PIANP: variants seen among roughly 807,000 people sequenced by gnomAD.
PIANP encodes PILR alpha associated neural protein.
A neutral mutation model predicts 28.9 loss-of-function variants in PIANP; 14 were observed. That is an observed-to-expected ratio of 0.49 (90% confidence interval 0.32 to 0.76). The LOEUF (loss-of-function observed/expected upper bound fraction) is 0.76, where lower values mean the gene tolerates loss of function less well. Among genes scored for constraint, PIANP ranks in the 30% least tolerant of loss-of-function variants. The pLI is 0.03. For synonymous variants in PIANP, 149 were observed against 156.6 expected, an observed-to-expected ratio of 0.95 and a Z score of 0.36; for missense variants, 322 against 371.8, an observed-to-expected ratio of 0.87 and a Z score of 1.10.
At chr12:6,698,285 T>C in intron 1 of PIANP, 181 bp from the exon 2 acceptor site, 1 of 627,516 alleles carries the variant, frequency 1.6e-6, no homozygotes, top group South Asian at 1.8e-5. Flanking sequence ...CGTGGTTGCC[T>C]GACCAGACTC....
intron 1 of PIANP, 148 bp from the exon 2 acceptor site, chr12:6,698,252 T>A (rs1959939509): frequency 1.5e-6 from 1 of 684,790 alleles, no homozygotes; most frequent in Non-Finnish European, 2.5e-6. Flanking sequence ...GTTGTTAGCA[T>A]CCTTTTGGGG....
chr12:6,697,348 C>G lies in PIANP; in HGVS notation c.462G>C (p.Gly154=). The change falls in exon 3 of 5, where the codon GGG becomes GGC. Residue 154 remains glycine (G), a synonymous_variant. Coordinates refer to ENST00000534837, the MANE Select transcript of PIANP (RefSeq NM_001244014.2). The surrounding 1 kb of genome is among the most constrained non-coding windows in gnomAD (Gnocchi z 6.9). ...NSDSMRGDGD[G]LILGEAPATL... ...TGGCAGGTGCCTCTCCAAGGATAAG[C>G]CCATCTCCATCACCTCGCATGGAGT... 6.2e-7 allele frequency: 1 copy of G among 1,614,044 alleles called. No homozygotes were observed. Among genetic ancestry groups the G allele is most frequent in the East Asian group, 2.2e-5 (1 of 44,886 alleles).
Position 6,697,427 on chromosome 12 carries a change from A to G in PIANP, c.383T>C (p.Leu128Pro). ...ATGAGGGGCTGCAAAACCATAGTCC[A>G]GAAATCCGGGATTGGCAGAGTTGGG... ...GDPNSANPGF[L>P]DYGFAAPHGL... Residue 128 changes from leucine (L) to proline (P), a missense_variant, in exon 3 of 5, where the codon CTG becomes CCG. Transcript: ENST00000534837. The surrounding 1 kb of genome is among the most constrained non-coding windows in gnomAD (Gnocchi z 6.9). 2 of 1,614,036 alleles carry G rather than the reference A, an allele frequency of 1.2e-6. No homozygotes were observed. Among genetic ancestry groups the G allele is most frequent in the Non-Finnish European group, 1.7e-6 (2 of 1,179,884 alleles).
rs1959928002 is a variant in PIANP at position 6,697,855 on chromosome 12, A to C, written c.18-63T>G. The C allele has an allele frequency of 2.0e-6, 3 of 1,496,392 alleles. No homozygotes were observed. The African/African-American group carries it at 4.2e-5, about 21-fold the overall frequency. The allele number at this position is 1,496,392 out of a possible 1,614,324, so 92.7% of individuals were successfully genotyped here. The stretch of plus-strand genomic sequence containing the variant: ...TACTGTGGGCCTATGTGAGGGAGGG[A>C]CAGGTTCACACCAGAAACCTCCAGG... On this transcript the variant is annotated intron_variant, in intron 2 of 4. Transcript: ENST00000534837. The surrounding 1 kb of genome is among the most constrained non-coding windows in gnomAD (Gnocchi z 6.9).
Position 6,697,059 on chromosome 12 carries a change from G to A in PIANP, c.523+228C>T, listed in dbSNP as rs1323699463. Among the ~76,000 whole-genome samples the A allele has an allele frequency of 1.3e-5, 2 of 152,196 alleles. No individual in the cohort carries two copies. Among genetic ancestry groups the A allele is most frequent in the African/African-American group, 4.8e-5 (2 of 41,448 alleles). ...TTTTTTTGTAAATCATGCTGCACAT[G>A]CCTCTATTAAAGCATTTATTACGAT... On this transcript the variant is annotated intron_variant, in intron 3 of 4. Coordinates refer to ENST00000534837, the MANE Select transcript of PIANP (RefSeq NM_001244014.2). This position sits in a 1 kb window ranked among gnomAD's most constrained non-coding sequence, Gnocchi z 6.9.
rs2137708435 is a variant in PIANP, at chr12:6,697,135, C to A, written c.523+152G>T. ...CTGTCTGCTCCAGTGGACCTGAACT[C>A]CGAGAGGGTGTCTTTATCTCTGCAT... is the stretch of plus-strand genomic sequence containing the variant. On this transcript the variant is annotated intron_variant, in intron 3 of 4. Transcript: ENST00000534837. The surrounding 1 kb of genome is among the most constrained non-coding windows in gnomAD (Gnocchi z 6.9). Among the ~76,000 whole-genome samples, 1 of 152,332 alleles carries A rather than the reference C, an allele frequency of 6.6e-6. No individual in the cohort carries two copies. The highest frequency in any genetic ancestry group is 2.4e-5 in the African/African-American group (1 of 41,572).
In PIANP at chr12:6,695,830, C is replaced by A. The variant is rs917312494; in HGVS notation, c.606-179G>T. 3.3e-5 allele frequency among the ~76,000 whole-genome samples: 5 copies of A among 152,256 alleles called. No homozygotes were observed. The East Asian group carries it at 9.7e-4, about 29-fold the overall frequency. On this transcript the variant is annotated intron_variant, in intron 4 of 4. Transcript: ENST00000534837. This position sits in a 1 kb window ranked among gnomAD's most constrained non-coding sequence, Gnocchi z 4.2. Reference sequence around the variant, plus strand: ...GGACTCTGTGCCCATAAAGCCACTTCCCCTGCCCTCTAGGGGAGCTTGGTA... The same window carrying A: ...GGACTCTGTGCCCATAAAGCCACTTACCCTGCCCTCTAGGGGAGCTTGGTA...
In PIANP at chr12:6,695,494, G is replaced by A; in HGVS notation, c.763C>T (p.Pro255Ser). 1 of 1,538,638 alleles carries A rather than the reference G, an allele frequency of 6.5e-7. No homozygotes were observed. The highest frequency in any genetic ancestry group is 8.8e-7 in the Non-Finnish European group (1 of 1,142,428). The change falls in exon 5 of 5, where the codon CCC (proline) becomes TCC (serine). Residue 255 changes from proline to serine, a missense_variant. Coordinates refer to ENST00000534837, the MANE Select transcript of PIANP (RefSeq NM_001244014.2). The surrounding 1 kb of genome is among the most constrained non-coding windows in gnomAD (Gnocchi z 4.2). ...SPTPTPDHEE[P>S]RGGPRPGMPH... ...ATCCCAGGCCGGGGTCCCCCTCGGG[G>A]CTCCTCATGGTCAGGGGTGGGGGTA...
In PIANP at chr12:6,694,984, G is replaced by A. The variant is rs1298527994; in HGVS notation, c.*442C>T. On this transcript the variant is annotated 3_prime_UTR_variant, in exon 5 of 5. Transcript: ENST00000534837. This position sits in a 1 kb window ranked among gnomAD's most constrained non-coding sequence, Gnocchi z 6.1. ...CTGCCCCACCCTCAGTGGGATGGGG[G>A]CTGTGCCGGCCCCTTGGCCTCCTGC... 4 of 1,528,728 alleles carry A rather than the reference G, an allele frequency of 2.6e-6. No individual in the cohort carries two copies. Among genetic ancestry groups the A allele is most frequent in the Middle Eastern group, 2.0e-4 (1 of 5,090 alleles). The allele number at this position is 1,528,728 out of a possible 1,614,324, so 94.7% of individuals were successfully genotyped here.
At chr12:6,698,633 G>C (rs1213337447) in intron 1 of PIANP, among the ~76,000 whole-genome samples, 1 of 151,816 alleles carries the variant, frequency 6.6e-6, no homozygotes, top group Non-Finnish European at 1.5e-5. Flanking sequence ...CAGGAGAAAG[G>C]AATGAAGAGC....
chr12:6,693,112 C>T (rs1028067842), downstream of PIANP, among the ~76,000 whole-genome samples: 1 of 152,050 alleles, frequency 6.6e-6, no homozygotes, highest in Non-Finnish European at 1.5e-5. Context: ...TTTCACAGGG[C>T]TGTTACAAGA....
chr12:6,697,929 A>G lies in PIANP; in HGVS notation c.17+116T>C. The G allele has an allele frequency of 6.6e-7, 1 of 1,518,564 alleles. No homozygotes were observed. Among genetic ancestry groups the G allele is most frequent in the Non-Finnish European group, 8.9e-7 (1 of 1,122,480 alleles). The allele number at this position is 1,518,564 out of a possible 1,614,324, so 94.1% of individuals were successfully genotyped here. ...CTTGGGAAGACTCGCCTCATTTCCC[A>G]TCTTCCAAAGGAGGATGGCCCTCAG... is the stretch of plus-strand genomic sequence containing the variant. On this transcript the variant is annotated intron_variant, in intron 2 of 4. Coordinates refer to ENST00000534837, the MANE Select transcript of PIANP (RefSeq NM_001244014.2). The surrounding 1 kb of genome is among the most constrained non-coding windows in gnomAD (Gnocchi z 6.9).
rs540288007 is a variant in PIANP at position 6,697,811 on chromosome 12, C to A, written c.18-19G>T. 6.6e-7 allele frequency: 1 copy of A among 1,515,626 alleles called. No homozygotes were observed. 93.9% of individuals were successfully genotyped at this position (1,515,626 alleles called of 1,614,324 possible). A position where few individuals can be genotyped will look rare whatever the true frequency, so the allele number is the denominator to read the frequency against. ...CGCAGGCCTGCAAGAAGGGAGAGAG[C>A]GTGGCTGAGACACAGGCCTACTGTG... is the stretch of plus-strand genomic sequence containing the variant. On this transcript the variant is annotated intron_variant, in intron 2 of 4. Coordinates refer to ENST00000534837, the MANE Select transcript of PIANP (RefSeq NM_001244014.2). The surrounding 1 kb of genome is among the most constrained non-coding windows in gnomAD (Gnocchi z 6.9).
rs1180640452 is a variant in PIANP at position 6,696,078 on chromosome 12, A to G, written c.605+365T>C. ...GAAGGACTGAGTGATCCATTATTAAATGTGTGCAAAGAAAGCTCCAGGTTT... is the reference window on the plus strand; with the variant it reads ...GAAGGACTGAGTGATCCATTATTAAGTGTGTGCAAAGAAAGCTCCAGGTTT... On this transcript the variant is annotated intron_variant, in intron 4 of 4. Coordinates refer to ENST00000534837, the MANE Select transcript of PIANP (RefSeq NM_001244014.2). This position sits in a 1 kb window ranked among gnomAD's most constrained non-coding sequence, Gnocchi z 4.0. 1.3e-5 allele frequency among the ~76,000 whole-genome samples: 2 copies of G among 152,134 alleles called. No homozygotes were observed. The highest frequency in any genetic ancestry group is 2.4e-5 in the African/African-American group (1 of 41,428).
At chr12:6,698,925 C>T (rs958665875) in intron 1 of PIANP, among the ~76,000 whole-genome samples, 4 of 152,166 alleles carry the variant, frequency 2.6e-5, no homozygotes, top group African/African-American at 4.8e-5. Flanking sequence ...ATAGGATACC[C>T]GTTTCCTGTG....
rs2137710684 is a variant in PIANP, at chr12:6,697,805, A to G, written c.18-13T>C. 6.6e-7 allele frequency: 1 copy of G among 1,522,272 alleles called. No homozygotes were observed. The highest frequency in any genetic ancestry group is 8.8e-7 in the Non-Finnish European group (1 of 1,137,422). 94.3% of individuals were successfully genotyped at this position (1,522,272 alleles called of 1,614,324 possible). On this transcript the variant is annotated splice_polypyrimidine_tract_variant and intron_variant, in intron 2 of 4. Transcript: ENST00000534837. This position sits in a 1 kb window ranked among gnomAD's most constrained non-coding sequence, Gnocchi z 6.9. Reference sequence around the variant, plus strand: ...CAGCAGCGCAGGCCTGCAAGAAGGGAGAGAGCGTGGCTGAGACACAGGCCT... The same window carrying G: ...CAGCAGCGCAGGCCTGCAAGAAGGGGGAGAGCGTGGCTGAGACACAGGCCT...
In PIANP at chr12:6,694,394, C is replaced by A. The variant is rs949451533; in HGVS notation, c.*1032G>T. 2.0e-5 allele frequency: 3 copies of A among 152,510 alleles called. No individual in the cohort carries two copies. Among genetic ancestry groups the A allele is most frequent in the Non-Finnish European group, 4.4e-5 (3 of 68,104 alleles). The allele number at this position is 152,510 out of a possible 1,614,324, so 9.4% of individuals were successfully genotyped here. A position where few individuals can be genotyped will look rare whatever the true frequency, so the allele number is the denominator to read the frequency against. ...CCAAGGGGGAGCCCTCAGGGTGATG[C>A]CGGCATCCTTGGAGTAGGATGGGGA... On this transcript the variant is annotated 3_prime_UTR_variant, in exon 5 of 5. Coordinates refer to ENST00000534837, the MANE Select transcript of PIANP (RefSeq NM_001244014.2). The surrounding 1 kb of genome is among the most constrained non-coding windows in gnomAD (Gnocchi z 6.1).
chr12:6,692,330 AAG>A (rs1217517773), downstream of PIANP, among the ~76,000 whole-genome samples: 1 of 152,178 alleles, frequency 6.6e-6, no homozygotes, highest in Non-Finnish European at 1.5e-5. Context: ...TGTCCCTTTG[AAG>A]AGAGATCCTT....
In PIANP at chr12:6,694,771, T is replaced by G; in HGVS notation, c.*655A>C. On this transcript the variant is annotated 3_prime_UTR_variant, in exon 5 of 5. Coordinates refer to ENST00000534837, the MANE Select transcript of PIANP (RefSeq NM_001244014.2). This position sits in a 1 kb window ranked among gnomAD's most constrained non-coding sequence, Gnocchi z 6.1. ...AGCGTGTGCAAATGGCCTGTGAAGG[T>G]GGAGGTGAGTGTGCAAGGCTTTCAT... 2 of 441,040 alleles carry G rather than the reference T, an allele frequency of 4.5e-6. No individual in the cohort carries two copies. Among genetic ancestry groups the G allele is most frequent in the Admixed American group, 3.7e-5 (1 of 27,202 alleles). 27.3% of individuals were successfully genotyped at this position (441,040 alleles called of 1,614,324 possible).
Sources: allele counts gnomAD v4.1 joint callset (sites outside exome capture counted in the v4.1 genomes callset), GRCh38; gene constraint gnomAD v4.1.1; non-coding constraint Gnocchi (gnomAD v3.1); transcripts MANE v1.5; gene names NCBI Gene and HGNC (gene_info 2026-07-23, HGNC 2026-07-21).